TGFB2: variants seen among roughly 807,000 people sequenced by gnomAD.
The protein encoded by TGFB2 is transforming growth factor beta 2, also known as transforming growth factor beta-2 proprotein.
In TGFB2, 13 loss-of-function variants were observed where a neutral mutation model predicts 42.7. The observed-to-expected ratio is 0.30, with a 90% CI of 0.20 to 0.48. The LOEUF (loss-of-function observed/expected upper bound fraction) is 0.48, where lower values mean the gene tolerates loss of function less well. Ranked by LOEUF, TGFB2 falls within the 20% of genes least tolerant of loss-of-function variation. The probability of loss-of-function intolerance (pLI) is 0.99; values close to 1 mark genes in which losing one functional copy is unlikely to be tolerated. For missense variants in TGFB2, 390 were observed against 517.5 expected, an observed-to-expected ratio of 0.75 and a Z score of 2.39; for synonymous variants, 193 against 193.6, an observed-to-expected ratio of 1.00 and a Z score of 0.03.
At chr1:218,390,322 T>C (rs1037575704) in intron 1 of TGFB2, among the ~76,000 whole-genome samples, 2 of 151,576 alleles carry the variant, frequency 1.3e-5, no homozygotes, top group African/African-American at 4.8e-5. Context: ...ATATGACAGA[T>C]CTTAAGCTTC....
chr1:218,382,810 T>C (rs1034322301), intron 1 of TGFB2, among the ~76,000 whole-genome samples: 2 of 152,174 alleles, frequency 1.3e-5, no homozygotes, highest in Non-Finnish European at 2.9e-5. Context: ...GTCACAAACT[T>C]CTGCTCCCAA....
At chr1:218,441,151 C>T (rs912363878) in intron 6 of TGFB2, 53 bp from the exon 7 acceptor site, 11 of 1,524,036 alleles carry the variant, frequency 7.2e-6, no homozygotes, top group East Asian at 2.3e-5. Flanking sequence ...AAACGAATTG[C>T]GTTCATTTTC....
chr1:218,363,529 C>A, intron 1 of TGFB2: 2 of 1,080,476 alleles, frequency 1.9e-6, no homozygotes, highest in Non-Finnish European at 1.4e-6. Context: ...TTCTGAAATG[C>A]AGCCTTGTAC....
chr1:218,354,720 G>A (rs932857530), intron 1 of TGFB2, among the ~76,000 whole-genome samples: 17 of 152,160 alleles, frequency 1.1e-4, no homozygotes, highest in Non-Finnish European at 2.5e-4. Flanking sequence ...GATAAATGAT[G>A]TAATACATCC....
chr1:218,415,031 C>G (rs1558253106), intron 2 of TGFB2, among the ~76,000 whole-genome samples: 1 of 152,244 alleles, frequency 6.6e-6, no homozygotes, highest in East Asian at 1.9e-4. Context: ...CAAGGCATAG[C>G]TTTGGTCCTT....
At chr1:218,358,257 T>C (rs956156147) in intron 1 of TGFB2, among the ~76,000 whole-genome samples, 16 of 152,368 alleles carry the variant, frequency 1.1e-4, no homozygotes, top group Admixed American at 5.2e-4. Flanking sequence ...ATATTTATTG[T>C]TGCCAAAACA....
At position 218,438,726 on chromosome 1, in the gene TGFB2, T is replaced by C. The variant is rs554589554; in HGVS notation, c.1086+1230T>C. ...ATTAGAGAAGAGTTTTTCTATGTAA[T>C]AATGATATTTGTTCACATGCTTCCT... On this transcript the variant is annotated intron_variant, in intron 6 of 6. Coordinates refer to ENST00000366930, the MANE Select transcript of TGFB2 (RefSeq NM_003238.6). Among the ~76,000 whole-genome samples, 4 of 152,312 alleles carry C rather than the reference T, an allele frequency of 2.6e-5. No homozygotes were observed. The South Asian group carries it at 8.3e-4, about 32-fold the overall frequency.
chr1:218,387,666 C>G (rs1479532035), intron 1 of TGFB2, among the ~76,000 whole-genome samples: 2 of 152,116 alleles, frequency 1.3e-5, no homozygotes, highest in Non-Finnish European at 2.9e-5. Context: ...TCTTAATGCT[C>G]ACTCCTGAAA....
chr1:218,351,116 G>T (rs1333688220), intron 1 of TGFB2, among the ~76,000 whole-genome samples: 1 of 152,142 alleles, frequency 6.6e-6, no homozygotes, highest in Non-Finnish European at 1.5e-5. Context: ...ATGACACTAT[G>T]GTTTTGGGGA....
chr1:218,367,125 C>T (rs12097734), intron 1 of TGFB2, among the ~76,000 whole-genome samples: 5,808 of 152,212 alleles, frequency 0.038, 244 homozygotes, highest in African/African-American at 0.1. Flanking sequence ...TGCCTTCAAC[C>T]GGGCAACGGT....
At chr1:218,394,508 C>T (rs1355915705) in intron 1 of TGFB2, among the ~76,000 whole-genome samples, 1 of 152,112 alleles carries the variant, frequency 6.6e-6, no homozygotes, top group Non-Finnish European at 1.5e-5. Context: ...AGCCCAAACA[C>T]TCATGCTGAC....
At chr1:218,347,593 A>G (rs1239134578) in intron 1 of TGFB2, among the ~76,000 whole-genome samples, 1 of 152,108 alleles carries the variant, frequency 6.6e-6, no homozygotes, top group Non-Finnish European at 1.5e-5. Flanking sequence ...CATCGCCGAG[A>G]CAAAACCCGG....
chr1:218,398,715 G>C (rs992274617), intron 1 of TGFB2, among the ~76,000 whole-genome samples: 1 of 152,032 alleles, frequency 6.6e-6, no homozygotes. Flanking sequence ...AGCCTCCCGA[G>C]TAGCTGGGGC....
intron 1 of TGFB2, among the ~76,000 whole-genome samples, chr1:218,404,847 G>T (rs1658853684): frequency 6.6e-6 from 1 of 152,196 alleles, no homozygotes; most frequent in Non-Finnish European, 1.5e-5. Flanking sequence ...GGCATGAACT[G>T]TCATAAACTT....
intron 2 of TGFB2, among the ~76,000 whole-genome samples, chr1:218,424,520 C>A (rs1338733283): frequency 6.6e-6 from 1 of 152,228 alleles, no homozygotes; most frequent in African/African-American, 2.4e-5. Context: ...GGGCCTCCAC[C>A]TCATCCTATT....
At chr1:218,418,681 G>A (rs947481492) in intron 2 of TGFB2, among the ~76,000 whole-genome samples, 1 of 152,150 alleles carries the variant, frequency 6.6e-6, no homozygotes, top group Non-Finnish European at 1.5e-5. Context: ...TGTGTTGTGG[G>A]AGGGACCTAG....
At chr1:218,397,549 G>A (rs1658562667) in intron 1 of TGFB2, among the ~76,000 whole-genome samples, 1 of 145,940 alleles carries the variant, frequency 6.9e-6, no homozygotes, top group Non-Finnish European at 1.5e-5. Flanking sequence ...GTGCAACAGA[G>A]CGAGACTCCG....
chr1:218,390,297 A>G (rs1040166885), intron 1 of TGFB2, among the ~76,000 whole-genome samples: 1 of 152,158 alleles, frequency 6.6e-6, no homozygotes, highest in Non-Finnish European at 1.5e-5. Context: ...GTTCCTAAAG[A>G]AAACAGAGAG....
At chr1:218,361,874 G>C (rs1055147186) in intron 1 of TGFB2, among the ~76,000 whole-genome samples, 3 of 152,212 alleles carry the variant, frequency 2.0e-5, no homozygotes, top group African/African-American at 7.2e-5. Flanking sequence ...GGGAACATAT[G>C]TGAGCAGATG....
Sources: gnomAD v4.1 joint callset for allele counts (sites outside exome capture counted in the v4.1 genomes callset) on GRCh38, gnomAD v4.1.1 for gene constraint, MANE v1.5 for transcripts, NCBI Gene and HGNC (gene_info 2026-07-23, HGNC 2026-07-21) for gene names.